Variants in TDP1 observed in about 807,000 individuals in gnomAD.
TDP1 encodes the protein tyrosyl-DNA phosphodiesterase 1.
Under a neutral mutation model 81.5 loss-of-function variants are expected in TDP1, and 64 were observed. The ratio of observed to expected loss-of-function variants is 0.79; its 90% confidence interval spans 0.64 to 0.97. The LOEUF (loss-of-function observed/expected upper bound fraction) is 0.97. Ranked by LOEUF, TDP1 falls within the 50% of genes least tolerant of loss-of-function variation. The pLI, the probability that TDP1 is intolerant of heterozygous loss-of-function variation, is 0.00. For missense variants in TDP1, 723 were observed against 743.8 expected (o/e 0.97, Z 0.33); for synonymous variants, 256 against 264.3 (o/e 0.97, Z 0.30).
intron 5 of TDP1, among the ~76,000 whole-genome samples, chr14:89,969,573 G>A (rs1463442958): frequency 6.6e-6 from 1 of 152,070 alleles, no homozygotes; most frequent in Non-Finnish European, 1.5e-5. Flanking sequence ...CTAGGTGCTA[G>A]ATGCACGTGT....
rs189016671 is a variant in TDP1, at chr14:90,022,476, C to G, written c.1644+3058C>G. ...GCCAGTCCGCATCCCAGTGACACCTCAGGCCTAGATCTGCCTTCCATGACT... is the reference window on the plus strand; with the variant it reads ...GCCAGTCCGCATCCCAGTGACACCTGAGGCCTAGATCTGCCTTCCATGACT... On this transcript the variant is annotated intron_variant, in intron 15 of 16. Transcript: ENST00000335725. 1.5e-3 allele frequency among the ~76,000 whole-genome samples: 229 copies of G among 152,334 alleles called. 1 individual carries two copies. Among genetic ancestry groups the G allele is most frequent in the African/African-American group, 5.2e-3 (215 of 41,576 alleles).
intron 15 of TDP1, among the ~76,000 whole-genome samples, chr14:90,026,161 A>C (rs1318975866): frequency 6.6e-6 from 1 of 152,156 alleles, no homozygotes. Flanking sequence ...AAGTACATGC[A>C]CTCTTATGAT....
intron 7 of TDP1, chr14:89,980,134 A>G: frequency 1.0e-6 from 1 of 984,926 alleles, no homozygotes; most frequent in Non-Finnish European, 1.2e-6. Flanking sequence ...AATTTATGCT[A>G]TTTTAGTTGT....
intron 10 of TDP1, among the ~76,000 whole-genome samples, chr14:89,987,242 CTG>C (rs1895668046): frequency 6.6e-6 from 1 of 152,186 alleles, no homozygotes; most frequent in South Asian, 2.1e-4. Context: ...ACACAGAAAA[CTG>C]TGACCAAATA....
At position 89,996,218 on chromosome 14, in the gene TDP1, G is replaced by C. The variant is rs921031224; in HGVS notation, c.1541+2735G>C. Among the ~76,000 whole-genome samples the C allele has an allele frequency of 3.3e-5, 5 of 152,188 alleles. No homozygotes were observed. The South Asian group carries it at 1.0e-3, about 32-fold the overall frequency. ...TTCTGAAACATAGAGTTTCCTCATT[G>C]TTCCATGTTCAGAATTCCCCACGTC... is the stretch of plus-strand genomic sequence containing the variant. On this transcript the variant is annotated intron_variant, in intron 14 of 16. Transcript: ENST00000335725.
chr14:89,961,942 TA>T (rs777788258), intron 2 of TDP1, among the ~76,000 whole-genome samples: 1 of 152,194 alleles, frequency 6.6e-6, no homozygotes, highest in Non-Finnish European at 1.5e-5. Flanking sequence ...GGTCTTGTGC[TA>T]AAATGTTAAA....
chr14:89,984,291 T>C, intron 8 of TDP1: 3 of 985,378 alleles, frequency 3.0e-6, no homozygotes, highest in Non-Finnish European at 3.6e-6. Context: ...AGCCCAGGTC[T>C]TACTGAATCT....
At chr14:89,976,095 C>G (rs1894276394) in intron 7 of TDP1, among the ~76,000 whole-genome samples, 1 of 152,164 alleles carries the variant, frequency 6.6e-6, no homozygotes, top group South Asian at 2.1e-4. Context: ...TTTATTCTAA[C>G]TTTAATTAAT....
intron 11 of TDP1, 108 bp downstream of exon 11, chr14:89,989,198 T>G: frequency 1.5e-6 from 2 of 1,311,578 alleles, no homozygotes; most frequent in Non-Finnish European, 2.1e-6. Flanking sequence ...TGTGATTCTT[T>G]TTTTTTTTTT....
intron 6 of TDP1, chr14:89,975,556 A>C: frequency 1.2e-6 from 1 of 851,700 alleles, no homozygotes; most frequent in Non-Finnish European, 1.4e-6. Flanking sequence ...TGTAGTGTAT[A>C]ATCATTCTGG....
At chr14:90,022,962 A>C in intron 15 of TDP1, 1 of 732,206 alleles carries the variant, frequency 1.4e-6, no homozygotes, top group East Asian at 2.5e-5. Flanking sequence ...TGGACGTTCC[A>C]GTGGCCTGGG....
intron 14 of TDP1, among the ~76,000 whole-genome samples, chr14:90,008,114 C>A (rs904708834): frequency 6.6e-6 from 1 of 152,110 alleles, no homozygotes; most frequent in African/African-American, 2.4e-5. Flanking sequence ...TGTTGTATTT[C>A]TTCACTCTAA....
intron 5 of TDP1, among the ~76,000 whole-genome samples, chr14:89,967,999 C>T (rs1893146892): frequency 6.6e-6 from 1 of 152,082 alleles, no homozygotes; most frequent in Non-Finnish European, 1.5e-5. Flanking sequence ...GGGGCAGATT[C>T]CCATAACAGC....
chr14:90,021,811 G>A (rs1886121415), intron 15 of TDP1, among the ~76,000 whole-genome samples: 1 of 152,192 alleles, frequency 6.6e-6, no homozygotes, highest in African/African-American at 2.4e-5. Context: ...CAAGAGCTAG[G>A]CACCAATTAG....
chr14:90,025,988 C>CT (rs1384055028), intron 15 of TDP1, among the ~76,000 whole-genome samples: 2 of 152,234 alleles, frequency 1.3e-5, no homozygotes, highest in African/African-American at 4.8e-5. Context: ...ATACTGCTTA[C>CT]TTCCGGATGA....
At chr14:90,022,830 T>C (rs960989236) in intron 15 of TDP1, 1 of 915,750 alleles carries the variant, frequency 1.1e-6, no homozygotes, top group African/African-American at 1.8e-5. Context: ...TGCCATGAGG[T>C]AGTTTGTCGT....
At position 90,040,178 on chromosome 14, in the gene TDP1, C is replaced by CCCTCATCTT. The variant is rs1394347092; in HGVS notation, c.1754-2890_1754-2889insTCATCTTCC. Among the ~76,000 whole-genome samples the CCCTCATCTT allele has an allele frequency of 3.5e-4, 54 of 152,278 alleles. 1 individual carries two copies. The highest frequency in any genetic ancestry group is 2.3e-3 in the South Asian group (11 of 4,824). ...CCAGCCTTGCTTACTTGTTCATCTT[C>CCCTCATCTT]CCAGTTCTGGTCTCCTCCCACTGGA... On this transcript the variant is annotated intron_variant, in intron 16 of 16. Coordinates refer to ENST00000335725, the MANE Select transcript of TDP1 (RefSeq NM_018319.4).
In TDP1 at chr14:89,980,618, C is replaced by T. The variant is rs1335833649; in HGVS notation, c.870C>T (p.His290=). The T allele has an allele frequency of 1.2e-6, 2 of 1,614,094 alleles. No homozygotes were observed. The highest frequency in any genetic ancestry group is 2.2e-5 in the East Asian group (1 of 44,880). The change falls in exon 8 of 17, where the codon CAC becomes CAT. Residue 290 remains histidine (H), a synonymous_variant. Transcript: ENST00000335725. ...HTSNLIHADW[H]QKTQGIWLSP... ...CCAACCTCATCCATGCTGACTGGCA[C>T]CAGAAAACTCAAGGGTTCGTAGGGG...
chr14:89,989,369 G>A, intron 11 of TDP1: 1 of 985,200 alleles, frequency 1.0e-6, no homozygotes, highest in African/African-American at 1.7e-5. Flanking sequence ...CTTTCTTTCA[G>A]GTTGTTGAAC....
Sources: gnomAD v4.1 joint callset for allele counts (sites outside exome capture counted in the v4.1 genomes callset) on GRCh38, gnomAD v4.1.1 for gene constraint, MANE v1.5 for transcripts, NCBI Gene and HGNC (gene_info 2026-07-23, HGNC 2026-07-21) for gene names.